Variants in ATRN observed in about 807,000 individuals in gnomAD.
ATRN encodes attractin, also known as attractin-2.
In ATRN, 54 loss-of-function variants were observed where a neutral mutation model predicts 178.7. That is an observed-to-expected ratio of 0.30 (90% CI 0.24 to 0.38). ATRN has a LOEUF of 0.38. Ranked by LOEUF, ATRN falls within the 10% of genes least tolerant of loss-of-function variation. ATRN has a pLI of 1.00. For synonymous variants in ATRN, 636 were observed against 663.0 expected (o/e 0.96, Z 0.63); for missense variants, 1,443 against 1,815.1 (o/e 0.79, Z 3.73).
chr20:3,617,814 G>C (rs975679055), intron 24 of ATRN, among the ~76,000 whole-genome samples: 1 of 152,162 alleles, frequency 6.6e-6, no homozygotes, highest in Non-Finnish European at 1.5e-5. Context: ...CTGAAGTTCT[G>C]TTCGCCTTTA....
At chr20:3,543,020 G>C (rs180891902) in intron 3 of ATRN, among the ~76,000 whole-genome samples, 2 of 152,236 alleles carry the variant, frequency 1.3e-5, no homozygotes, top group Admixed American at 1.3e-4. Flanking sequence ...AGGGATTCTG[G>C]TGTATATAAC....
chr20:3,509,567 G>A (rs1460717278), intron 1 of ATRN, among the ~76,000 whole-genome samples: 1 of 148,030 alleles, frequency 6.8e-6, no homozygotes, highest in African/African-American at 2.5e-5. Context: ...GTGTGATCTC[G>A]GCTCACTGCA....
intron 27 of ATRN, among the ~76,000 whole-genome samples, chr20:3,641,590 C>CAAAAAAAAAAA (rs61692220): frequency 2.1e-5 from 1 of 47,820 alleles, no homozygotes; most frequent in Non-Finnish European, 3.4e-5. Context: ...GACTCTGTCG[C>CAAAAAAAAAAA]AAAAAAAAAA....
At position 3,572,746 on chromosome 20, in the gene ATRN, C is replaced by A; in HGVS notation, c.1887C>A (p.Phe629Leu). ...AVLHNSTMYV[F>L]GGFNSLLLSD... ...TTCCTCTTAGCACCATGTATGTGTT[C>A]GGTGGTTTCAATAGTCTCCTCCTCA... The change falls in exon 12 of 29, where the codon TTC (phenylalanine) becomes TTA (leucine). Residue 629 changes from phenylalanine (F) to leucine (L), a missense_variant. This residue lies in a region of ATRN where 862 missense variants were observed against 972.1 expected (regional missense o/e 0.89). Coordinates refer to ENST00000262919, the MANE Select transcript of ATRN (RefSeq NM_139321.3). 1.9e-6 allele frequency: 3 copies of A among 1,613,650 alleles called. No homozygotes were observed. Among genetic ancestry groups the A allele is most frequent in the Non-Finnish European group, 2.5e-6 (3 of 1,179,882 alleles).
intron 24 of ATRN, among the ~76,000 whole-genome samples, chr20:3,618,916 A>G (rs889380672): frequency 8.5e-5 from 13 of 152,214 alleles, no homozygotes; most frequent in African/African-American, 2.9e-4. Context: ...GTGACAGCAC[A>G]AGACCCAGGT....
intron 10 of ATRN, 70 bp from the exon 11 acceptor site, chr20:3,565,278 C>T: frequency 8.1e-7 from 1 of 1,232,456 alleles, no homozygotes; most frequent in Non-Finnish European, 1.1e-6. Flanking sequence ...GTATTTTTCC[C>T]AAAGAAAATG....
At chr20:3,543,598 G>C (rs562623307) in intron 3 of ATRN, among the ~76,000 whole-genome samples, 1 of 151,974 alleles carries the variant, frequency 6.6e-6, no homozygotes, top group African/African-American at 2.4e-5. Context: ...GGTGGGGTGC[G>C]CCTGTAATCC....
chr20:3,618,389 G>A (rs1568768610), intron 24 of ATRN, among the ~76,000 whole-genome samples: 1 of 152,174 alleles, frequency 6.6e-6, no homozygotes, highest in Non-Finnish European at 1.5e-5. Flanking sequence ...GTTCAAGGTG[G>A]GGGTCCCTGG....
At chr20:3,502,643 G>A (rs776991024) in intron 1 of ATRN, among the ~76,000 whole-genome samples, 5 of 152,206 alleles carry the variant, frequency 3.3e-5, no homozygotes, top group Non-Finnish European at 5.9e-5. Context: ...GTGAGAGGAA[G>A]CACATTCCTT....
chr20:3,569,028 G>T (rs1266538437), intron 11 of ATRN, among the ~76,000 whole-genome samples: 1 of 152,126 alleles, frequency 6.6e-6, no homozygotes, highest in East Asian at 1.9e-4. Flanking sequence ...CCGGTAATAT[G>T]CATGTGTGTC....
In ATRN at chr20:3,512,570, G is replaced by A. The variant is rs1232784506; in HGVS notation, c.411-22683G>A. On this transcript the variant is annotated intron_variant, in intron 1 of 28. Transcript: ENST00000262919. ...GTGAGTAGTGCCTCAATAAACATAC[G>A]TGTGCATGTGTCTTTGTAGCAGCAT... is the stretch of plus-strand genomic sequence containing the variant. 4.6e-5 allele frequency among the ~76,000 whole-genome samples: 7 copies of A among 152,098 alleles called. No individual in the cohort carries two copies. In the South Asian group the frequency reaches 8.3e-4, roughly 18 times the overall value.
chr20:3,550,188 TG>T (rs756233100), intron 6 of ATRN, among the ~76,000 whole-genome samples: 6 of 152,198 alleles, frequency 3.9e-5, no homozygotes, highest in Admixed American at 6.5e-5. Context: ...ATTAGCCAGG[TG>T]CGGTGGCCGG....
intron 6 of ATRN, among the ~76,000 whole-genome samples, chr20:3,554,772 T>A (rs535651417): frequency 6.6e-6 from 1 of 152,146 alleles, no homozygotes; most frequent in East Asian, 1.9e-4. Context: ...TGTTACCCAA[T>A]GGTCCTCTTG....
chr20:3,645,993 G>A lies in ATRN; in HGVS notation c.4166-730G>A, dbSNP rs983495638. ...AAAGTGGGCGGCGGGGCAGTGATGA[G>A]CATAAAGGGTAGTTGCTATTGATCG... is the stretch of plus-strand genomic sequence containing the variant. On this transcript the variant is annotated intron_variant, in intron 28 of 28. Coordinates refer to ENST00000262919, the MANE Select transcript of ATRN (RefSeq NM_139321.3). This position sits in a 1 kb window ranked among gnomAD's most constrained non-coding sequence, Gnocchi z 4.7. Among the ~76,000 whole-genome samples the A allele has an allele frequency of 2.0e-5, 3 of 152,196 alleles. No homozygotes were observed. Among genetic ancestry groups the A allele is most frequent in the African/African-American group, 7.2e-5 (3 of 41,426 alleles).
chr20:3,476,728 C>T (rs539462698), intron 1 of ATRN, among the ~76,000 whole-genome samples: 1 of 152,082 alleles, frequency 6.6e-6, no homozygotes, highest in South Asian at 2.1e-4. Flanking sequence ...GGCATGGTGG[C>T]GAGCGCCTGT....
intron 1 of ATRN, among the ~76,000 whole-genome samples, chr20:3,500,587 C>G (rs1568690396): frequency 1.3e-5 from 2 of 149,090 alleles, no homozygotes; most frequent in Non-Finnish European, 3.0e-5. Flanking sequence ...ATCGCAAGAA[C>G]AAAAAACCAA....
chr20:3,540,213 T>A lies in ATRN; in HGVS notation c.495-9T>A. On this transcript the variant is annotated splice_polypyrimidine_tract_variant and intron_variant, in intron 2 of 28. Coordinates refer to ENST00000262919, the MANE Select transcript of ATRN (RefSeq NM_139321.3). ...CTTTATTATAAATTACTTTTTTTAT[T>A]CTTTTCAGGCCAAATAGAATAATGA... The A allele has an allele frequency of 6.6e-7, 1 of 1,509,688 alleles. No homozygotes were observed. The highest frequency in any genetic ancestry group is 9.0e-7 in the Non-Finnish European group (1 of 1,108,270). The allele number at this position is 1,509,688 out of a possible 1,614,324, so 93.5% of individuals were successfully genotyped here.
chr20:3,614,523 A>T lies in ATRN; in HGVS notation c.3802-9988A>T, dbSNP rs890887093. Among the ~76,000 whole-genome samples the T allele has an allele frequency of 3.9e-5, 6 of 152,226 alleles. No individual in the cohort carries two copies. The East Asian group carries it at 1.2e-3, about 29-fold the overall frequency. ...ACAGAATTGGTATTGAGAACTGGGC[A>T]TTCATTTAGATTTTAGAGTTCTGTT... On this transcript the variant is annotated intron_variant, in intron 24 of 28. Coordinates refer to ENST00000262919, the MANE Select transcript of ATRN (RefSeq NM_139321.3).
chr20:3,547,821 C>G lies in ATRN; in HGVS notation c.943+332C>G, dbSNP rs2085728810. On this transcript the variant is annotated intron_variant, in intron 5 of 28. Coordinates refer to ENST00000262919, the MANE Select transcript of ATRN (RefSeq NM_139321.3). Reference sequence around the variant, plus strand: ...GACAATAATGATATTTCCTCAGAAACACACTCTAAGTTCAGAGAAAATTGG... The same window carrying G: ...GACAATAATGATATTTCCTCAGAAAGACACTCTAAGTTCAGAGAAAATTGG... Among the ~76,000 whole-genome samples, 4 of 152,110 alleles carry G rather than the reference C, an allele frequency of 2.6e-5. No homozygotes were observed. In the South Asian group the frequency reaches 8.3e-4, roughly 32 times the overall value.
Sources: gnomAD v4.1 joint callset for allele counts (sites outside exome capture counted in the v4.1 genomes callset) on GRCh38, gnomAD v4.1.1 for gene constraint, gnomAD v4.1.1 regional missense constraint, Gnocchi (gnomAD v3.1) non-coding constraint, MANE v1.5 for transcripts, NCBI Gene and HGNC (gene_info 2026-07-23, HGNC 2026-07-21) for gene names.